CBL: variants seen among roughly 807,000 people sequenced by gnomAD.
CBL encodes the protein Cbl proto-oncogene.
A neutral mutation model predicts 96.9 loss-of-function variants in CBL; 45 were observed. That is an observed-to-expected ratio of 0.46 (90% CI 0.37 to 0.60). The LOEUF (loss-of-function observed/expected upper bound fraction) is 0.60. Among genes scored for constraint, CBL ranks in the 20% least tolerant of loss-of-function variants. The probability of loss-of-function intolerance (pLI) is 0.00; values close to 1 mark genes in which losing one functional copy is unlikely to be tolerated. For synonymous variants in CBL, 420 were observed against 426.8 expected (o/e 0.98, Z 0.20); for missense variants, 1,024 against 1,143.5 (o/e 0.90, Z 1.51).
intron 2 of CBL, among the ~76,000 whole-genome samples, chr11:119,241,049 C>T (rs752843832): frequency 1.4e-4 from 21 of 151,290 alleles, no homozygotes; most frequent in Non-Finnish European, 2.2e-4. Flanking sequence ...CTAGCCTGGG[C>T]GACAGAGTTA....
intron 2 of CBL, among the ~76,000 whole-genome samples, chr11:119,260,068 C>T (rs1285556058): frequency 6.6e-6 from 1 of 152,132 alleles, no homozygotes; most frequent in African/African-American, 2.4e-5. Context: ...TAGTTATACT[C>T]ATGTTAGTAT....
At chr11:119,267,853 C>T (rs1340415653) in intron 2 of CBL, among the ~76,000 whole-genome samples, 1 of 152,118 alleles carries the variant, frequency 6.6e-6, no homozygotes, top group Non-Finnish European at 1.5e-5. Flanking sequence ...ACACAAATAG[C>T]TATAGTCAAA....
intron 2 of CBL, among the ~76,000 whole-genome samples, chr11:119,246,223 T>C (rs555101008): frequency 1.8e-4 from 28 of 152,184 alleles, no homozygotes; most frequent in African/African-American, 6.5e-4. Flanking sequence ...TCCGCCTGCC[T>C]CGGCCTCCCA....
At chr11:119,214,556 A>G (rs1565854149) in intron 1 of CBL, among the ~76,000 whole-genome samples, 1 of 152,204 alleles carries the variant, frequency 6.6e-6, no homozygotes, top group Non-Finnish European at 1.5e-5. Context: ...GGCAGTAGAC[A>G]TTCTCTTGAA....
At chr11:119,296,825 T>C in intron 12 of CBL, 93 bp from the exon 13 acceptor site, 1 of 727,016 alleles carries the variant, frequency 1.4e-6, no homozygotes, top group South Asian at 1.4e-5. Context: ...TCTGTTCAAT[T>C]TGAGTTATGT....
At chr11:119,282,162 AC>A (rs1949940631) in intron 9 of CBL, among the ~76,000 whole-genome samples, 1 of 145,226 alleles carries the variant, frequency 6.9e-6, no homozygotes, top group Admixed American at 6.7e-5. Context: ...GTGTGGTGAA[AC>A]CCTGTCTCTA....
chr11:119,239,812 A>T (rs184526822), intron 2 of CBL, among the ~76,000 whole-genome samples: 1 of 151,360 alleles, frequency 6.6e-6, no homozygotes, highest in East Asian at 1.9e-4. Flanking sequence ...GTTTTATCAT[A>T]AACAGTTGTT....
chr11:119,229,229 G>A (rs545887694), intron 1 of CBL, among the ~76,000 whole-genome samples: 6 of 152,164 alleles, frequency 3.9e-5, no homozygotes, highest in Non-Finnish European at 7.3e-5. Flanking sequence ...TTGGAATGTA[G>A]CACTTGTAAA....
At chr11:119,235,306 G>T (rs1198868663) in intron 2 of CBL, among the ~76,000 whole-genome samples, 1 of 151,862 alleles carries the variant, frequency 6.6e-6, no homozygotes, top group Non-Finnish European at 1.5e-5. Flanking sequence ...GTAGTGACAG[G>T]GTTTCACCAT....
Position 119,232,377 on chromosome 11 carries a change from T to A in CBL, c.196-71T>A, listed in dbSNP as rs539159490. On this transcript the variant is annotated intron_variant, in intron 1 of 15. Transcript: ENST00000264033. The stretch of plus-strand genomic sequence containing the variant: ...CAAAAGAGCACATATTTCATAACTT[T>A]CTTAAACTTAAAAAAGGGAGCTGTC... 3.9e-6 allele frequency: 6 copies of A among 1,551,442 alleles called. No individual in the cohort carries two copies. In the East Asian group the frequency reaches 1.3e-4, roughly 35 times the overall value.
At chr11:119,271,671 A>G in intron 2 of CBL, 64 bp from the exon 3 acceptor site, 4 of 1,337,986 alleles carry the variant, frequency 3.0e-6, no homozygotes, top group South Asian at 1.2e-5. Context: ...TGTATGGTGA[A>G]TTTGGTGCAT....
intron 2 of CBL, among the ~76,000 whole-genome samples, chr11:119,256,394 T>A (rs1949711159): frequency 6.6e-6 from 1 of 152,096 alleles, no homozygotes; most frequent in South Asian, 2.1e-4. Flanking sequence ...TTGGCCAGGC[T>A]AGTCTTGAAC....
chr11:119,295,395 T>C (rs1950056642), intron 12 of CBL, among the ~76,000 whole-genome samples: 1 of 152,078 alleles, frequency 6.6e-6, no homozygotes, highest in South Asian at 2.1e-4. Flanking sequence ...TCCCTACACC[T>C]TCACTGACAC....
At chr11:119,238,207 T>C (rs1592379964) in intron 2 of CBL, among the ~76,000 whole-genome samples, 1 of 149,802 alleles carries the variant, frequency 6.7e-6, no homozygotes, top group Non-Finnish European at 1.5e-5. Flanking sequence ...AGCCTGTCAA[T>C]TTGATCCCAA....
At chr11:119,254,683 C>A (rs1434065469) in intron 2 of CBL, among the ~76,000 whole-genome samples, 1 of 151,970 alleles carries the variant, frequency 6.6e-6, no homozygotes, top group Non-Finnish European at 1.5e-5. Context: ...CTCACGGCAG[C>A]CTCCGCCTCC....
In CBL at chr11:119,266,035, AG is replaced by A. The variant is rs1252581519; in HGVS notation, c.444-5699del. Among the ~76,000 whole-genome samples, 203 of 143,088 alleles carry A rather than the reference AG, an allele frequency of 1.4e-3. 1 individual carries two copies. Among genetic ancestry groups the A allele is most frequent in the Admixed American group, 0.011 (163 of 14,356 alleles). The allele number at this position is 143,088 out of a possible 152,430, so 93.9% of individuals were successfully genotyped here. A position where few individuals can be genotyped will look rare whatever the true frequency, so the allele number is the denominator to read the frequency against. ...CTCCATCTCAAAAAAAAAAAAAAAA[AG>A]AAAGAAAGAAAGAAAAATTAGCCAG... On this transcript the variant is annotated intron_variant, in intron 2 of 15. Coordinates refer to ENST00000264033, the MANE Select transcript of CBL (RefSeq NM_005188.4).
Position 119,307,517 on chromosome 11 carries a change from C to T in CBL, c.*7736C>T, listed in dbSNP as rs559635476. The T allele has an allele frequency of 6.5e-5, 15 of 231,956 alleles. No homozygotes were observed. The highest frequency in any genetic ancestry group is 2.9e-4 in the African/African-American group (13 of 45,368). The allele number at this position is 231,956 out of a possible 1,614,324, so 14.4% of individuals were successfully genotyped here. A position where few individuals can be genotyped will look rare whatever the true frequency, so the allele number is the denominator to read the frequency against. Reference sequence around the variant, plus strand: ...AGCATTAAGCAGCTAGTGCCCTCTGCAGGGCCTGGTTTCCCCAGGGAAGGG... The same window carrying T: ...AGCATTAAGCAGCTAGTGCCCTCTGTAGGGCCTGGTTTCCCCAGGGAAGGG... On this transcript the variant is annotated 3_prime_UTR_variant, in exon 16 of 16. Coordinates refer to ENST00000264033, the MANE Select transcript of CBL (RefSeq NM_005188.4).
intron 1 of CBL, among the ~76,000 whole-genome samples, chr11:119,220,732 G>T (rs954855296): frequency 2.0e-5 from 3 of 152,188 alleles, no homozygotes; most frequent in East Asian, 3.8e-4. Flanking sequence ...ATTATAAGTG[G>T]CATGGTGTTT....
intron 2 of CBL, among the ~76,000 whole-genome samples, chr11:119,235,334 C>T (rs1176914735): frequency 6.6e-6 from 1 of 152,052 alleles, no homozygotes; most frequent in Non-Finnish European, 1.5e-5. Flanking sequence ...TGGCTGGTCT[C>T]AAACTCCTGG....
Sources: allele counts gnomAD v4.1 joint callset (sites outside exome capture counted in the v4.1 genomes callset), GRCh38; gene constraint gnomAD v4.1.1; transcripts MANE v1.5; gene names NCBI Gene and HGNC (gene_info 2026-07-23, HGNC 2026-07-21).